Variants in LINGO2 observed in about 807,000 individuals in gnomAD.
The protein encoded by LINGO2 is leucine rich repeat and Ig domain containing 2, also known as leucine-rich repeat and immunoglobulin-like domain-containing nogo receptor-interacting protein 2.
LINGO2 carries 14 observed loss-of-function variants against 30.6 expected under a neutral mutation model. The ratio of observed to expected loss-of-function variants is 0.46; its 90% CI spans 0.30 to 0.72. The LOEUF is 0.72. Ranked by LOEUF, LINGO2 falls within the 30% of genes least tolerant of loss-of-function variation. The pLI, the probability that LINGO2 is intolerant of heterozygous loss-of-function variation, is 0.07. For synonymous variants in LINGO2, 317 were observed against 288.5 expected, an observed-to-expected ratio of 1.10 and a Z score of -1.00; for missense variants, 729 against 751.7, an observed-to-expected ratio of 0.97 and a Z score of 0.35.
the LINGO2 span, among the ~76,000 whole-genome samples, chr9:28,824,962 G>A: frequency 6.1e-3 from 924 of 152,194 alleles, 11 homozygotes; most frequent in African/African-American, 0.021. Flanking sequence ...ACGTTGTTAT[G>A]AGGGTGAATG....
chr9:28,287,962 G>A (rs937506691), intron 4 of LINGO2, among the ~76,000 whole-genome samples: 2 of 152,276 alleles, frequency 1.3e-5, no homozygotes, highest in Non-Finnish European at 2.9e-5. Flanking sequence ...GCATTTAACA[G>A]AGAATAACAG....
chr9:29,120,739 G>A, the LINGO2 span, among the ~76,000 whole-genome samples: 1 of 152,152 alleles, frequency 6.6e-6, no homozygotes, highest in Non-Finnish European at 1.5e-5. Flanking sequence ...GGCCATTAAA[G>A]TCACACAAAT....
chr9:28,882,885 C>G, the LINGO2 span, among the ~76,000 whole-genome samples: 1 of 152,056 alleles, frequency 6.6e-6, no homozygotes, highest in African/African-American at 2.4e-5. Flanking sequence ...CTGCCACCAT[C>G]TTCTCCTGAG....
chr9:29,143,018 A>T, the LINGO2 span, among the ~76,000 whole-genome samples: 1 of 151,372 alleles, frequency 6.6e-6, no homozygotes, highest in Non-Finnish European at 1.5e-5. Flanking sequence ...TCCAAAACGT[A>T]AATTAAGAAA....
intron 4 of LINGO2, among the ~76,000 whole-genome samples, chr9:28,197,670 TATA>T (rs1231303616): frequency 9.9e-5 from 15 of 151,972 alleles, no homozygotes; most frequent in Non-Finnish European, 4.4e-5. Flanking sequence ...TTTTTCTAAG[TATA>T]ATACTTTGAA....
At chr9:28,192,211 A>G (rs1819846781) in intron 4 of LINGO2, among the ~76,000 whole-genome samples, 1 of 152,080 alleles carries the variant, frequency 6.6e-6, no homozygotes, top group Admixed American at 6.6e-5. Flanking sequence ...GTGTATACAT[A>G]TTTACATACA....
At chr9:28,293,469 C>A (rs978244167) in intron 4 of LINGO2, among the ~76,000 whole-genome samples, 1 of 152,032 alleles carries the variant, frequency 6.6e-6, no homozygotes, top group African/African-American at 2.4e-5. Context: ...CACACAAATT[C>A]TTTTAAATTG....
the LINGO2 span, among the ~76,000 whole-genome samples, chr9:28,935,079 T>C: frequency 6.6e-6 from 1 of 151,982 alleles, no homozygotes; most frequent in Non-Finnish European, 1.5e-5. Flanking sequence ...TTTTTAAAAA[T>C]TGTTTTTCAA....
At chr9:28,625,699 A>T (rs899732237) in intron 1 of LINGO2, among the ~76,000 whole-genome samples, 1 of 151,980 alleles carries the variant, frequency 6.6e-6, no homozygotes, top group Non-Finnish European at 1.5e-5. Flanking sequence ...TTATGGTTAT[A>T]CTAAAATTTG....
the LINGO2 span, among the ~76,000 whole-genome samples, chr9:29,199,459 G>A: frequency 6.6e-6 from 1 of 152,106 alleles, no homozygotes; most frequent in African/African-American, 2.4e-5. Context: ...TTACATTTAA[G>A]TCAGTCAAGT....
the LINGO2 span, among the ~76,000 whole-genome samples, chr9:29,008,956 AAAAAAGGCCTTC>A: frequency 6.6e-6 from 1 of 152,170 alleles, no homozygotes; most frequent in Non-Finnish European, 1.5e-5. Flanking sequence ...CAACAGATGC[AAAAAAGGCCTTC>A]AAAAAAATTC....
At chr9:28,903,836 TGAA>T in the LINGO2 span, among the ~76,000 whole-genome samples, 1 of 152,062 alleles carries the variant, frequency 6.6e-6, no homozygotes, top group Non-Finnish European at 1.5e-5. Context: ...TCCAAAGCAC[TGAA>T]GAAGAGGGAA....
At chr9:28,884,900 A>ATATATACACACATATACAC in the LINGO2 span, among the ~76,000 whole-genome samples, 5 of 127,652 alleles carry the variant, frequency 3.9e-5, 1 homozygote, top group Non-Finnish European at 6.4e-5. Context: ...TATAGATACT[A>ATATATACACACATATACAC]TATATATGTA....
At chr9:28,321,268 A>G (rs1283545305) in intron 3 of LINGO2, among the ~76,000 whole-genome samples, 1 of 152,180 alleles carries the variant, frequency 6.6e-6, no homozygotes, top group Non-Finnish European at 1.5e-5. Flanking sequence ...CCTGCTTCAG[A>G]AGTAAAACAT....
intron 4 of LINGO2, among the ~76,000 whole-genome samples, chr9:28,104,764 C>A (rs1295901941): frequency 6.6e-6 from 1 of 152,052 alleles, no homozygotes; most frequent in Non-Finnish European, 1.5e-5. Context: ...GTGCTTTCTT[C>A]TTTGATAATG....
intron 4 of LINGO2, among the ~76,000 whole-genome samples, chr9:28,037,589 G>T (rs1383428530): frequency 6.6e-6 from 1 of 152,094 alleles, no homozygotes; most frequent in African/African-American, 2.4e-5. Flanking sequence ...TAATTTGTTT[G>T]TTATGTAGTT....
the LINGO2 span, among the ~76,000 whole-genome samples, chr9:29,187,584 T>C: frequency 3.3e-5 from 5 of 152,174 alleles, no homozygotes; most frequent in Admixed American, 1.3e-4. Context: ...ACTAATAGAA[T>C]TTTACAAAAC....
intron 1 of LINGO2, among the ~76,000 whole-genome samples, chr9:28,608,533 G>A (rs2135775286): frequency 6.6e-6 from 1 of 152,058 alleles, no homozygotes; most frequent in Non-Finnish European, 1.5e-5. Flanking sequence ...AGAAGGTTCT[G>A]CTTTTTAAAA....
At chr9:28,826,748 T>C in the LINGO2 span, among the ~76,000 whole-genome samples, 2 of 152,200 alleles carry the variant, frequency 1.3e-5, no homozygotes, top group African/African-American at 4.8e-5. Context: ...TTCCCTTTTA[T>C]TTTCTATTCA....
Sources: allele counts gnomAD v4.1 joint callset (sites outside exome capture counted in the v4.1 genomes callset), GRCh38; gene constraint gnomAD v4.1.1; transcripts MANE v1.5; gene names NCBI Gene and HGNC (gene_info 2026-07-23, HGNC 2026-07-21).